The following STK31 variants were observed in gnomAD, a reference collection of about 807,000 sequenced individuals.
STK31 encodes serine/threonine kinase 31, also known as serine/threonine-protein kinase 31.
STK31 carries 89 observed loss-of-function variants against 129.7 expected under a neutral mutation model. The observed-to-expected ratio is 0.69, with a 90% CI of 0.58 to 0.82. The LOEUF (loss-of-function observed/expected upper bound fraction) is 0.82, where lower values mean the gene tolerates loss of function less well. Among genes scored for constraint, STK31 ranks in the 40% least tolerant of loss-of-function variants. The pLI is 0.00. For missense variants in STK31, 1,187 were observed against 1,176.4 expected (o/e 1.01, Z -0.13); for synonymous variants, 448 against 395.3 (o/e 1.13, Z -1.58).
intron 22 of STK31, chr7:23,811,284 G>A (rs1039654061): frequency 1.1e-4 from 44 of 394,746 alleles, no homozygotes; most frequent in Non-Finnish European, 2.0e-4. Flanking sequence ...AAATTAGCAA[G>A]TATGTGCTTG....
chr7:23,804,015 TG>T (rs1792538214), intron 22 of STK31, among the ~76,000 whole-genome samples: 1 of 152,196 alleles, frequency 6.6e-6, no homozygotes, highest in South Asian at 2.1e-4. Context: ...CTGTGTGTGT[TG>T]AGGAGTACTG....
chr7:23,796,395 A>G (rs888099120), intron 22 of STK31, among the ~76,000 whole-genome samples: 2 of 151,994 alleles, frequency 1.3e-5, no homozygotes, highest in African/African-American at 2.4e-5. Context: ...AAGATATCCC[A>G]TAAGTGTGGT....
At chr7:23,831,984 T>G in intron 23 of STK31, 152 bp from the exon 24 acceptor site, 1 of 610,530 alleles carries the variant, frequency 1.6e-6, no homozygotes. Flanking sequence ...TTTGGTGTTT[T>G]TTTTTGTTGA....
chr7:23,716,437 A>T (rs908786312), intron 3 of STK31, among the ~76,000 whole-genome samples: 6 of 152,062 alleles, frequency 3.9e-5, no homozygotes, highest in African/African-American at 1.4e-4. Flanking sequence ...GTAATTAATT[A>T]ATGTTTTAGG....
chr7:23,783,717 A>G (rs1791080164), intron 17 of STK31, 54 bp downstream of exon 17: 8 of 1,372,022 alleles, frequency 5.8e-6, no homozygotes, highest in Admixed American at 4.2e-5. Flanking sequence ...TTGAAAAGTG[A>G]TAATATTAAA....
intron 8 of STK31, among the ~76,000 whole-genome samples, chr7:23,739,760 G>A (rs748192543): frequency 1.3e-5 from 2 of 152,076 alleles, no homozygotes; most frequent in Non-Finnish European, 2.9e-5. Context: ...TTTTTGTCAG[G>A]TTTGTCGAAG....
chr7:23,758,183 C>T (rs936083723), intron 10 of STK31, among the ~76,000 whole-genome samples: 1 of 152,122 alleles, frequency 6.6e-6, no homozygotes, highest in Non-Finnish European at 1.5e-5. Flanking sequence ...CCCCACACTA[C>T]CTGGTTTAGT....
chr7:23,831,627 G>A (rs781556417), intron 23 of STK31, among the ~76,000 whole-genome samples: 1 of 152,248 alleles, frequency 6.6e-6, no homozygotes, highest in African/African-American at 2.4e-5. Flanking sequence ...ATTGATTCTG[G>A]TTGTTTTGTG....
At chr7:23,756,636 ATAAC>A (rs1369125999) in intron 10 of STK31, among the ~76,000 whole-genome samples, 2 of 152,192 alleles carry the variant, frequency 1.3e-5, no homozygotes, top group Non-Finnish European at 2.9e-5. Flanking sequence ...TTTGTCATAA[ATAAC>A]TGTTACTATT....
At chr7:23,713,160 A>G (rs1194786976) in intron 3 of STK31, among the ~76,000 whole-genome samples, 2 of 152,228 alleles carry the variant, frequency 1.3e-5, no homozygotes, top group Admixed American at 6.5e-5. Context: ...CCTGGATGAT[A>G]TAGCCTACCA....
chr7:23,815,465 G>A (rs933872608), intron 23 of STK31, among the ~76,000 whole-genome samples: 1 of 152,016 alleles, frequency 6.6e-6, no homozygotes, highest in Non-Finnish European at 1.5e-5. Context: ...TTTACTATGT[G>A]TTTCAAGATC....
chr7:23,710,527 G>C, intron 1 of STK31, 192 bp downstream of exon 1: 10 of 1,444,360 alleles, frequency 6.9e-6, no homozygotes, highest in Non-Finnish European at 9.1e-6. Context: ...GGCGAAAGTG[G>C]CTCGAAAAGA....
intron 3 of STK31, among the ~76,000 whole-genome samples, chr7:23,714,780 G>A (rs1009937402): frequency 1.3e-5 from 2 of 152,028 alleles, no homozygotes; most frequent in Non-Finnish European, 2.9e-5. Context: ...TCAAGAGTCA[G>A]CAGTTTTTTT....
At chr7:23,757,259 C>A (rs1359062079) in intron 10 of STK31, among the ~76,000 whole-genome samples, 1 of 151,866 alleles carries the variant, frequency 6.6e-6, no homozygotes, top group African/African-American at 2.4e-5. Flanking sequence ...TCAGGTGGAA[C>A]GAGAGACTTG....
chr7:23,826,230 C>T (rs144220343), intron 23 of STK31, among the ~76,000 whole-genome samples: 23,334 of 151,866 alleles, frequency 0.15, 1,910 homozygotes, highest in East Asian at 0.22. Context: ...TGTGTGGGAG[C>T]CTAAGTCTCT....
chr7:23,750,067 T>TTCCCCCCCCCC (rs1788611310), intron 8 of STK31, among the ~76,000 whole-genome samples: 1 of 90,552 alleles, frequency 1.1e-5, no homozygotes, highest in African/African-American at 3.9e-5. Flanking sequence ...ATGGTTTGTT[T>TTCCCCCCCCCC]CCCCCCCCGC....
At chr7:23,822,369 C>T (rs532371694) in intron 23 of STK31, among the ~76,000 whole-genome samples, 1 of 152,088 alleles carries the variant, frequency 6.6e-6, no homozygotes, top group African/African-American at 2.4e-5. Context: ...TAAATTTCTT[C>T]CTAGGTAATA....
At position 23,808,970 on chromosome 7, in the gene STK31, T is replaced by TGTGTGTGTGTGTGCGCGC. The variant is rs60631283; in HGVS notation, c.2761-6173_2761-6172insTGTGTGTGTGTGCGCGCG. On this transcript the variant is annotated intron_variant, in intron 22 of 23. Coordinates refer to ENST00000355870, the MANE Select transcript of STK31 (RefSeq NM_031414.5). ...GTGTGTGTGTGTGTGTGTGTGTGTG[T>TGTGTGTGTGTGTGCGCGC]GCCTGTGTCTGTTGGCATTTCTGGG... Among the ~76,000 whole-genome samples the TGTGTGTGTGTGTGCGCGC allele has an allele frequency of 4.8e-4, 67 of 139,658 alleles. 2 individuals carry two copies. In the East Asian group the frequency reaches 0.011, roughly 23 times the overall value. 91.6% of individuals were successfully genotyped at this position (139,658 alleles called of 152,430 possible). A position where few individuals can be genotyped will look rare whatever the true frequency, so the allele number is the denominator to read the frequency against.
intron 8 of STK31, among the ~76,000 whole-genome samples, chr7:23,738,786 G>A (rs1430709243): frequency 1.3e-5 from 2 of 151,952 alleles, no homozygotes; most frequent in Non-Finnish European, 2.9e-5. Flanking sequence ...GAACTCCTCA[G>A]GTGATCCACC....
Sources: allele counts gnomAD v4.1 joint callset (sites outside exome capture counted in the v4.1 genomes callset), GRCh38; gene constraint gnomAD v4.1.1; transcripts MANE v1.5; gene names NCBI Gene and HGNC (gene_info 2026-07-23, HGNC 2026-07-21).